The following SP140 variants were observed in gnomAD, a reference collection of about 807,000 sequenced individuals.
SP140 encodes nuclear body protein SP140.
A neutral mutation model predicts 125.0 loss-of-function variants in SP140; 81 were observed. The ratio of observed to expected loss-of-function variants is 0.65; its 90% confidence interval spans 0.54 to 0.78. The LOEUF is 0.78. SP140 is among the 30% of genes least tolerant of loss of function. The probability of loss-of-function intolerance (pLI) is 0.00; values close to 1 mark genes in which losing one functional copy is unlikely to be tolerated. For synonymous variants in SP140, 312 were observed against 354.0 expected (o/e 0.88, Z 1.33); for missense variants, 858 against 1,037.0 (o/e 0.83, Z 2.37).
rs902182470 is a variant in SP140, at chr2:230,312,527, A to C, written c.2506-59A>C. The C allele has an allele frequency of 4.5e-6, 5 of 1,120,262 alleles. No homozygotes were observed. In the African/African-American group the frequency reaches 7.8e-5, roughly 18 times the overall value. 69.4% of individuals were successfully genotyped at this position (1,120,262 alleles called of 1,614,324 possible). ...AAGAGTCCTGATCATTCTCAGTTGA[A>C]AGGTGTCTCATGACGCTAATGATGA... On this transcript the variant is annotated intron_variant, in intron 26 of 26. Transcript: ENST00000392045.
chr2:230,192,602 G>T, the SP140 span, among the ~76,000 whole-genome samples: 1 of 152,246 alleles, frequency 6.6e-6, no homozygotes, highest in Non-Finnish European at 1.5e-5. Flanking sequence ...TCTTCAAGGA[G>T]AACTACAAAC....
chr2:230,288,455 A>ATCTTTCTTTCTTTCTTTCTTTCTT (rs34638665), intron 18 of SP140, among the ~76,000 whole-genome samples: 14 of 123,522 alleles, frequency 1.1e-4, no homozygotes, highest in Non-Finnish European at 1.4e-4. Flanking sequence ...TAGGCCAACT[A>ATCTTTCTTTCTTTCTTTCTTTCTT]TCTTTCTTTC....
chr2:230,199,175 G>T (rs1411495510), upstream of SP140, among the ~76,000 whole-genome samples: 1 of 134,040 alleles, frequency 7.5e-6, no homozygotes, highest in Non-Finnish European at 1.6e-5. Flanking sequence ...GTGGGGTGAG[G>T]TTTGCTGTCA....
rs142976519 is a variant in SP140, at chr2:230,283,168, G to A, written c.1499-1178G>A. On this transcript the variant is annotated intron_variant, in intron 15 of 26. Coordinates refer to ENST00000392045, the MANE Select transcript of SP140 (RefSeq NM_007237.5). ...AGCATTCTCAGAGGCGGGAGCGCTG[G>A]AGTAGTGTGTTTTCCTTCTGGACAA... is the stretch of plus-strand genomic sequence containing the variant. Among the ~76,000 whole-genome samples the A allele has an allele frequency of 5.6e-3, 846 of 152,298 alleles. 10 individuals are homozygous for A. The highest frequency in any genetic ancestry group is 0.02 in the African/African-American group (811 of 41,566).
chr2:230,288,459 TTC>T (rs1031569582), intron 18 of SP140, among the ~76,000 whole-genome samples: 1 of 32,972 alleles, frequency 3.0e-5, no homozygotes, highest in Non-Finnish European at 6.4e-5. Flanking sequence ...CCAACTATCT[TTC>T]TTTCTTTCTT....
chr2:230,298,939 C>G (rs756079550), intron 22 of SP140, among the ~76,000 whole-genome samples: 4 of 152,222 alleles, frequency 2.6e-5, no homozygotes, highest in Non-Finnish European at 4.4e-5. Flanking sequence ...TTCAGAATCT[C>G]TGGTGTTGGG....
chr2:230,314,943 T>C (rs2059474260), downstream of SP140, among the ~76,000 whole-genome samples: 1 of 152,206 alleles, frequency 6.6e-6, no homozygotes. Context: ...AGGCAGCATT[T>C]AACTGTGAGG....
chr2:230,271,878 T>C (rs1232339435), intron 15 of SP140, among the ~76,000 whole-genome samples: 20 of 152,156 alleles, frequency 1.3e-4, no homozygotes. Context: ...AGATTATACA[T>C]TCACAAAAAA....
intron 15 of SP140, among the ~76,000 whole-genome samples, chr2:230,272,423 C>G (rs1217537230): frequency 6.6e-6 from 1 of 152,122 alleles, no homozygotes; most frequent in Non-Finnish European, 1.5e-5. Context: ...GACCCAGTGG[C>G]AGGTAATTGA....
chr2:230,221,230 G>A (rs2045789794), upstream of SP140, among the ~76,000 whole-genome samples: 2 of 149,558 alleles, frequency 1.3e-5, no homozygotes, highest in South Asian at 2.1e-4. Context: ...GCAGTGAGCC[G>A]AGATCGCACC....
At position 230,206,210 on chromosome 2, in the gene SP140, T is replaced by G. The variant is rs181540206; in HGVS notation, c.-323+2931T>G. Among the ~76,000 whole-genome samples, 19 of 152,236 alleles carry G rather than the reference T, an allele frequency of 1.2e-4. No individual in the cohort carries two copies. In the East Asian group the frequency reaches 3.3e-3, roughly 26 times the overall value. On this transcript the variant is annotated intron_variant, in intron 1 of 4. Transcript: ENST00000456542. ...CTGTTTCCTTTTACAGCTAGAGTTG[T>G]CTACATATGTTATCACCTCCCATTC...
chr2:230,237,066 G>A lies in SP140; in HGVS notation c.60-17G>A. 1.3e-6 allele frequency: 2 copies of A among 1,550,972 alleles called. No homozygotes were observed. The highest frequency in any genetic ancestry group is 1.2e-5 in the South Asian group (1 of 81,482). On this transcript the variant is annotated splice_polypyrimidine_tract_variant and intron_variant, in intron 1 of 26. Transcript: ENST00000392045. This position sits in a 1 kb window ranked among gnomAD's most constrained non-coding sequence, Gnocchi z 5.4. The stretch of plus-strand genomic sequence containing the variant: ...GAAACTCAGTGTCTACTTCCACGTT[G>A]TATCTTTGTTTCTTAGGATGGTCGC...
chr2:230,259,502 AC>A (rs1345816506), intron 12 of SP140, among the ~76,000 whole-genome samples: 1 of 148,746 alleles, frequency 6.7e-6, no homozygotes, highest in East Asian at 2.0e-4. Flanking sequence ...ACATGGCAAA[AC>A]CCCGCCTCCG....
chr2:230,307,759 T>C (rs1254271322), intron 22 of SP140, among the ~76,000 whole-genome samples: 1 of 151,870 alleles, frequency 6.6e-6, no homozygotes, highest in Non-Finnish European at 1.5e-5. Flanking sequence ...TCCAGGCCAG[T>C]AGCCTGAGCC....
At chr2:230,196,172 GAT>G in the SP140 span, among the ~76,000 whole-genome samples, 64 of 152,118 alleles carry the variant, frequency 4.2e-4, no homozygotes, top group Non-Finnish European at 6.8e-4. Context: ...GTATAATTAA[GAT>G]ATAGATTTTA....
At chr2:230,213,032 G>GGT (rs2044666550) in intron 1 of SP140, 1 of 1,613,654 alleles carries the variant, frequency 6.2e-7, no homozygotes, top group Non-Finnish European at 8.5e-7. Flanking sequence ...CACCAACTGG[G>GGT]ATTGGTGAAG....
chr2:230,209,738 G>A (rs1397262657), intron 1 of SP140, among the ~76,000 whole-genome samples: 1 of 152,186 alleles, frequency 6.6e-6, no homozygotes, highest in East Asian at 1.9e-4. Flanking sequence ...ACCCCCAAAT[G>A]CCTTCTGGTT....
intron 15 of SP140, among the ~76,000 whole-genome samples, chr2:230,281,206 A>T (rs1301540196): frequency 2.6e-5 from 4 of 152,200 alleles, no homozygotes; most frequent in Admixed American, 2.6e-4. Context: ...TACACTAAAC[A>T]TCAATATACT....
intron 1 of SP140, among the ~76,000 whole-genome samples, chr2:230,228,260 G>A (rs1428316329): frequency 6.6e-6 from 1 of 152,106 alleles, no homozygotes; most frequent in African/African-American, 2.4e-5. Flanking sequence ...AAACTTTTAG[G>A]ATTTCTATTC....
Sources: allele counts gnomAD v4.1 joint callset (sites outside exome capture counted in the v4.1 genomes callset), GRCh38; gene constraint gnomAD v4.1.1; non-coding constraint Gnocchi (gnomAD v3.1); transcripts MANE v1.5; gene names NCBI Gene and HGNC (gene_info 2026-07-23, HGNC 2026-07-21).